BRD7: variants seen among roughly 807,000 people sequenced by gnomAD.
BRD7 encodes bromodomain-containing protein 7.
BRD7 carries 15 observed loss-of-function variants against 82.1 expected under a neutral mutation model. That is an observed-to-expected ratio of 0.18 (90% CI 0.12 to 0.28). The LOEUF (loss-of-function observed/expected upper bound fraction) is 0.28, where lower values mean the gene tolerates loss of function less well. BRD7 is among the 10% of genes least tolerant of loss of function. The probability of loss-of-function intolerance (pLI) is 1.00; values close to 1 mark genes in which losing one functional copy is unlikely to be tolerated. For missense variants in BRD7, 638 were observed against 779.9 expected (o/e 0.82, Z 2.17); for synonymous variants, 232 against 266.9 (o/e 0.87, Z 1.27).
In BRD7 at chr16:50,352,123, C is replaced by T. The variant is rs368124153; in HGVS notation, c.447-1956G>A. 2.1e-4 allele frequency among the ~76,000 whole-genome samples: 32 copies of T among 152,304 alleles called. No individual in the cohort carries two copies. In the East Asian group the frequency reaches 2.9e-3, roughly 14 times the overall value. On this transcript the variant is annotated intron_variant, in intron 4 of 16. Transcript: ENST00000394688. ...TCTACTCTCTACTTCTATGAATCAACTTTTTAAGATCCCACATGAGTGAGA... is the reference window on the plus strand; with the variant it reads ...TCTACTCTCTACTTCTATGAATCAATTTTTTAAGATCCCACATGAGTGAGA...
chr16:50,341,928 T>TCTCACACACACA lies in BRD7; in HGVS notation c.592-1843_592-1842insTGTGTGTGTGAG, dbSNP rs780059612. On this transcript the variant is annotated intron_variant, in intron 5 of 16. Coordinates refer to ENST00000394688, the MANE Select transcript of BRD7 (RefSeq NM_013263.5). ...AAAGCTGAGTCTTCCTGCACACTTT[T>TCTCACACACACA]CACACACACACACACACACACACAC... 4.9e-3 allele frequency among the ~76,000 whole-genome samples: 707 copies of TCTCACACACACA among 143,646 alleles called. 3 individuals carry two copies. The highest frequency in any genetic ancestry group is 5.6e-3 in the Non-Finnish European group (369 of 66,060). 94.2% of individuals were successfully genotyped at this position (143,646 alleles called of 152,430 possible).
intron 5 of BRD7, among the ~76,000 whole-genome samples, chr16:50,345,085 T>C (rs900593747): frequency 6.6e-6 from 1 of 152,212 alleles, no homozygotes; most frequent in Non-Finnish European, 1.5e-5. Context: ...AGAAACCCTA[T>C]AAGCCAGAAG....
rs200083197 is a variant in BRD7, at chr16:50,323,164, A to G, written c.1443+423T>C. Among the ~76,000 whole-genome samples the G allele has an allele frequency of 6.6e-5, 10 of 152,372 alleles. No individual in the cohort carries two copies. In the East Asian group the frequency reaches 1.3e-3, roughly 21 times the overall value. On this transcript the variant is annotated intron_variant, in intron 12 of 16. Coordinates refer to ENST00000394688, the MANE Select transcript of BRD7 (RefSeq NM_013263.5). ...CTAGAGATAGCTTACAAATGTTAAT[A>G]AAATAGCAATGAGGAAGCTTTTTAC...
chr16:50,350,044 A>G lies in BRD7; in HGVS notation c.570T>C (p.Tyr190=), dbSNP rs1228988425. The G allele has an allele frequency of 6.3e-7, 1 of 1,598,740 alleles. No individual in the cohort carries two copies. Among genetic ancestry groups the G allele is most frequent in the Non-Finnish European group, 8.5e-7 (1 of 1,175,468 alleles). ...TTACCTTTAGTTCTTCTATGGACTG[A>G]TAGTCATTGTTCTTGATCTTTTCTT... The part of the protein sequence containing the change: ...TMKEKIKNND[Y]QSIEELKDNF... The change falls in exon 5 of 17, where the codon TAT becomes TAC. Residue 190 remains tyrosine, a synonymous_variant. Coordinates refer to ENST00000394688, the MANE Select transcript of BRD7 (RefSeq NM_013263.5).
chr16:50,339,898 T>C lies in BRD7; in HGVS notation c.702+78A>G, dbSNP rs1052354295. On this transcript the variant is annotated intron_variant, in intron 6 of 16. Transcript: ENST00000394688. ...TAATAAAATAAAATCAATACTGTAT[T>C]GTATCTGTATTACTATGGCCAACAA... 2.4e-5 allele frequency: 18 copies of C among 743,028 alleles called. No individual in the cohort carries two copies. In the Admixed American group the frequency reaches 2.9e-4, roughly 12 times the overall value. The allele number at this position is 743,028 out of a possible 1,614,324, so 46.0% of individuals were successfully genotyped here. A position where few individuals can be genotyped will look rare whatever the true frequency, so the allele number is the denominator to read the frequency against.
chr16:50,321,566 C>CAAAAAAAAAAA (rs60824563), intron 13 of BRD7, among the ~76,000 whole-genome samples: 1 of 67,446 alleles, frequency 1.5e-5, no homozygotes, highest in African/African-American at 5.9e-5. Context: ...GACTCCATCT[C>CAAAAAAAAAAA]AAAAAAAAAA....
chr16:50,347,321 C>G (rs1284428292), intron 5 of BRD7, among the ~76,000 whole-genome samples: 1 of 152,154 alleles, frequency 6.6e-6, no homozygotes, highest in Non-Finnish European at 1.5e-5. Context: ...AAGGCAAAAA[C>G]TGGAAGCATT....
At chr16:50,361,324 A>G (rs1001367878) in intron 2 of BRD7, among the ~76,000 whole-genome samples, 2 of 152,222 alleles carry the variant, frequency 1.3e-5, no homozygotes, top group Non-Finnish European at 2.9e-5. Context: ...ATAACATCCT[A>G]TATGTGTTAA....
intron 5 of BRD7, among the ~76,000 whole-genome samples, chr16:50,340,392 TA>T (rs1056131749): frequency 8.1e-4 from 123 of 151,908 alleles, no homozygotes; most frequent in Admixed American, 1.6e-3. Flanking sequence ...TTACTGCACA[TA>T]AAAAAAATGT....
Position 50,319,268 on chromosome 16 carries a change from T to TGAAA in BRD7, c.1901-6_1901-3dup. On this transcript the variant is annotated splice_region_variant and splice_polypyrimidine_tract_variant and intron_variant, in intron 16 of 16. Transcript: ENST00000394688. ...CCGTCTTTTTAGGTTCTTCAGTGTCTGAAAGAAAAAGACATCACTTAATTC... is the reference window on the plus strand; with the variant it reads ...CCGTCTTTTTAGGTTCTTCAGTGTCTGAAAGAAAGAAAAAGACATCACTTAATTC... 1 of 1,612,326 alleles carries TGAAA rather than the reference T, an allele frequency of 6.2e-7. No homozygotes were observed. The highest frequency in any genetic ancestry group is 1.1e-5 in the South Asian group (1 of 90,504).
intron 10 of BRD7, 95 bp from the exon 11 acceptor site, chr16:50,325,978 A>G: frequency 7.8e-7 from 1 of 1,284,042 alleles, no homozygotes; most frequent in South Asian, 1.6e-5. Context: ...TCCTAACTTT[A>G]CTACTTCATT....
chr16:50,358,566 T>C (rs139590783), intron 2 of BRD7, among the ~76,000 whole-genome samples: 6 of 151,960 alleles, frequency 3.9e-5, no homozygotes, highest in African/African-American at 1.4e-4. Flanking sequence ...ATTCATTTAC[T>C]CTCATCAGAC....
rs779450766 is a variant in BRD7 at position 50,334,878 on chromosome 16, C to T, written c.720G>A (p.Leu240=). 1.2e-6 allele frequency: 2 copies of T among 1,613,424 alleles called. No homozygotes were observed. The highest frequency in any genetic ancestry group is 3.3e-5 in the Admixed American group (2 of 59,714). The change falls in exon 7 of 17, where the codon CTG becomes CTA. Residue 240 remains leucine, a synonymous_variant. Transcript: ENST00000394688. The part of the protein sequence containing the change: ...KILSQERIQS[L]KQSIDFMADL... ...CAGCCATGAAGTCTATGCTCTGCTT[C>T]AGGCTCTGAATTCTTTCCTAAACAT...
chr16:50,320,180 C>T, intron 15 of BRD7, 68 bp downstream of exon 15: 2 of 1,558,318 alleles, frequency 1.3e-6, no homozygotes, highest in South Asian at 1.2e-5. Flanking sequence ...GTGGCATCAC[C>T]ACTGTACTCA....
At chr16:50,328,832 T>C in intron 8 of BRD7, 88 bp from the exon 9 acceptor site, 1 of 1,170,732 alleles carries the variant, frequency 8.5e-7, no homozygotes, top group Admixed American at 2.3e-5. Flanking sequence ...GATACCAGAG[T>C]GTTGTGGATT....
chr16:50,316,747 T>TAAC lies in BRD7; in HGVS notation c.*2461_*2463dup, dbSNP rs763589878. On this transcript the variant is annotated 3_prime_UTR_variant, in exon 17 of 17. Transcript: ENST00000394688. ...AAGGAATTGAAAGTCAACCTAACTG[T>TAAC]AACAACAGGGTGAGAAATGACCAAA... 3.9e-5 allele frequency: 6 copies of TAAC among 152,462 alleles called. No homozygotes were observed. The highest frequency in any genetic ancestry group is 2.0e-4 in the Admixed American group (3 of 15,302). 9.4% of individuals were successfully genotyped at this position (152,462 alleles called of 1,614,324 possible). A position where few individuals can be genotyped will look rare whatever the true frequency, so the allele number is the denominator to read the frequency against.
intron 2 of BRD7, among the ~76,000 whole-genome samples, chr16:50,355,871 T>C (rs2038710892): frequency 6.6e-6 from 1 of 152,186 alleles, no homozygotes; most frequent in African/African-American, 2.4e-5. Flanking sequence ...ACAAAATCCA[T>C]GAACCAAGTT....
chr16:50,349,766 T>C (rs1247160348), intron 5 of BRD7: 1 of 400,140 alleles, frequency 2.5e-6, no homozygotes, highest in East Asian at 6.2e-5. Flanking sequence ...TTGGAAAAAA[T>C]ATACTGTGGA....
rs1334561560 is a variant in BRD7 at position 50,317,393 on chromosome 16, G to C, written c.*1818C>G. The C allele has an allele frequency of 6.7e-6, 1 of 150,364 alleles. No homozygotes were observed. Among genetic ancestry groups the C allele is most frequent in the African/African-American group, 2.5e-5 (1 of 39,572 alleles). 9.3% of individuals were successfully genotyped at this position (150,364 alleles called of 1,614,324 possible). On this transcript the variant is annotated 3_prime_UTR_variant, in exon 17 of 17. Transcript: ENST00000394688. ...TAGCAGTGACCAGGGCTGCCCGGCG[G>C]GGGCTCTCCTGGCAAGTCAGGAAGG... is the stretch of plus-strand genomic sequence containing the variant.
Sources: gnomAD v4.1 joint callset for allele counts (sites outside exome capture counted in the v4.1 genomes callset) on GRCh38, gnomAD v4.1.1 for gene constraint, MANE v1.5 for transcripts, NCBI Gene and HGNC (gene_info 2026-07-23, HGNC 2026-07-21) for gene names.